TENM2: variants seen among roughly 807,000 people sequenced by gnomAD.
TENM2 encodes the protein teneurin transmembrane protein 2.
TENM2 carries 52 observed loss-of-function variants against 245.2 expected under a neutral mutation model. That is an observed-to-expected ratio of 0.21 (90% CI 0.17 to 0.27). The LOEUF (loss-of-function observed/expected upper bound fraction) is 0.27, where lower values mean the gene tolerates loss of function less well. Among genes scored for constraint, TENM2 ranks in the 10% least tolerant of loss-of-function variants. The probability of loss-of-function intolerance (pLI) is 1.00; values close to 1 mark genes in which losing one functional copy is unlikely to be tolerated. For missense variants in TENM2, 3,046 were observed against 3,666.8 expected, an observed-to-expected ratio of 0.83 and a Z score of 4.37; for synonymous variants, 1,363 against 1,438.9, an observed-to-expected ratio of 0.95 and a Z score of 1.19.
intron 23 of TENM2, among the ~76,000 whole-genome samples, chr5:168,225,198 G>C (rs1764046011): frequency 6.6e-6 from 1 of 152,166 alleles, no homozygotes; most frequent in Non-Finnish European, 1.5e-5. Context: ...CCAAAGAACA[G>C]GTTCCATGCA....
At chr5:167,480,813 C>T (rs1767713787) in intron 2 of TENM2, among the ~76,000 whole-genome samples, 1 of 152,110 alleles carries the variant, frequency 6.6e-6, no homozygotes, top group Non-Finnish European at 1.5e-5. Flanking sequence ...GGAGAAATAA[C>T]ACATAAACAT....
intron 27 of TENM2, among the ~76,000 whole-genome samples, 161 bp downstream of exon 29, chr5:168,248,532 A>G (rs1021258987): frequency 2.0e-4 from 31 of 152,194 alleles, no homozygotes; most frequent in African/African-American, 7.0e-4. Context: ...AGAAAAGTAG[A>G]GAGACGGCAG....
chr5:168,012,787 A>G (rs983113525), intron 5 of TENM2, among the ~76,000 whole-genome samples: 3 of 151,444 alleles, frequency 2.0e-5, no homozygotes, highest in Non-Finnish European at 4.4e-5. Context: ...AAAAAAAAAA[A>G]AAAAAAAAAA....
chr5:167,320,508 G>A (rs1581736338), intron 1 of TENM2, among the ~76,000 whole-genome samples: 1 of 152,254 alleles, frequency 6.6e-6, no homozygotes, highest in East Asian at 1.9e-4. Flanking sequence ...GGAGTGCTAT[G>A]GTTTGAATGT....
intron 2 of TENM2, among the ~76,000 whole-genome samples, chr5:167,741,223 G>A (rs1468218512): frequency 6.6e-6 from 1 of 152,178 alleles, no homozygotes; most frequent in Non-Finnish European, 1.5e-5. Flanking sequence ...TCAAGAGTAA[G>A]CTCCACAGAC....
Position 168,218,711 on chromosome 5 carries a change from G to A in TENM2, c.4820G>A (p.Ser1607Asn), listed in dbSNP as rs1763415014. 2 of 1,613,908 alleles carry A rather than the reference G, an allele frequency of 1.2e-6. No homozygotes were observed. Among genetic ancestry groups the A allele is most frequent in the Non-Finnish European group, 8.5e-7 (1 of 1,179,898 alleles). ...GATGGCATCCACCAATACACTGTGA[G>A]CCTGGTGACAGGGGAGTACTTGTAC... Residue 1607 changes from serine to asparagine, a missense_variant, in exon 23 of 29, where the codon AGC becomes AAC. By Grantham distance (46) the Ser-to-Asn change is conservative. Around this residue, in one of 2 missense-constraint regions of TENM2, gnomAD observed 2,704 missense variants for 3,331.9 expected, o/e 0.81. Transcript: ENST00000518659. The surrounding 1 kb of genome is among the most constrained non-coding windows in gnomAD (Gnocchi z 5.2).
At chr5:167,029,803 T>G in the TENM2 span, among the ~76,000 whole-genome samples, 1 of 152,300 alleles carries the variant, frequency 6.6e-6, no homozygotes, top group East Asian at 1.9e-4. Context: ...TTTATTATTT[T>G]CACAATCATC....
upstream of TENM2, among the ~76,000 whole-genome samples, chr5:167,283,743 G>A (rs916067068): frequency 2.0e-5 from 3 of 152,186 alleles, no homozygotes; most frequent in Non-Finnish European, 2.9e-5. Flanking sequence ...TGGCCCTGTG[G>A]TCTATGCTAT....
At chr5:167,813,344 G>T (rs759930874) in intron 2 of TENM2, among the ~76,000 whole-genome samples, 5 of 151,730 alleles carry the variant, frequency 3.3e-5, no homozygotes, top group Non-Finnish European at 5.9e-5. Flanking sequence ...GTCTGCCCAG[G>T]GTTCTGGAAA....
At chr5:168,158,443 G>A (rs1238786327) in intron 12 of TENM2, among the ~76,000 whole-genome samples, 1 of 152,034 alleles carries the variant, frequency 6.6e-6, no homozygotes, top group Admixed American at 6.6e-5. Context: ...CCTAAAACCA[G>A]GCCAAGCTCT....
In TENM2 at chr5:168,238,263, A is replaced by AGAAAAGAAAAGAAAAGAAAAGAAAG. The variant is rs1765762410; in HGVS notation, c.5521-6133_5521-6132insGGAAAAGAAAAGAAAAGAAAAGAAA. On this transcript the variant is annotated intron_variant, in intron 25 of 28. Transcript: ENST00000518659. ...AGAAAAGAAAAGAAAAGAAAAGAAA[A>AGAAAAGAAAAGAAAAGAAAAGAAAG]GAAAAGAAAAGAAAAGAAAAGAAAA... is the stretch of plus-strand genomic sequence containing the variant. Among the ~76,000 whole-genome samples, 62 of 139,176 alleles carry AGAAAAGAAAAGAAAAGAAAAGAAAG rather than the reference A, an allele frequency of 4.5e-4. 2 individuals carry two copies. Among genetic ancestry groups the AGAAAAGAAAAGAAAAGAAAAGAAAG allele is most frequent in the African/African-American group, 1.5e-3 (47 of 32,026 alleles). 91.3% of individuals were successfully genotyped at this position (139,176 alleles called of 152,430 possible).
At chr5:167,831,988 A>C (rs1377569121) in intron 2 of TENM2, among the ~76,000 whole-genome samples, 1 of 152,188 alleles carries the variant, frequency 6.6e-6, no homozygotes, top group Admixed American at 6.5e-5. Context: ...TGGACGAAAA[A>C]AAAAAAAAAT....
At chr5:167,300,074 G>T (rs550061131) in intron 1 of TENM2, among the ~76,000 whole-genome samples, 2 of 152,270 alleles carry the variant, frequency 1.3e-5, no homozygotes, top group African/African-American at 4.8e-5. Context: ...AAAGGCTATC[G>T]GGTGCGGTCC....
chr5:167,525,578 T>C (rs1771056083), intron 2 of TENM2, among the ~76,000 whole-genome samples: 1 of 152,184 alleles, frequency 6.6e-6, no homozygotes, highest in African/African-American at 2.4e-5. Context: ...GGTTGACTTC[T>C]CTTTATAGAA....
At chr5:168,022,814 A>G (rs1057062063) in intron 5 of TENM2, among the ~76,000 whole-genome samples, 1 of 152,200 alleles carries the variant, frequency 6.6e-6, no homozygotes, top group Non-Finnish European at 1.5e-5. Context: ...CTGATTGTCC[A>G]AATGGTTTTT....
chr5:167,969,959 G>C (rs537955845), intron 4 of TENM2, among the ~76,000 whole-genome samples: 2 of 152,098 alleles, frequency 1.3e-5, no homozygotes, highest in Non-Finnish European at 2.9e-5. Flanking sequence ...ACCAAACATC[G>C]TGCTATTAGG....
intron 1 of TENM2, among the ~76,000 whole-genome samples, chr5:167,373,558 T>C (rs1402027035): frequency 2.6e-5 from 4 of 152,196 alleles, no homozygotes; most frequent in Non-Finnish European, 4.4e-5. Flanking sequence ...CATCAGTAAG[T>C]AGAGTGGACC....
intron 2 of TENM2, among the ~76,000 whole-genome samples, chr5:167,528,866 G>T (rs537578633): frequency 1.3e-5 from 2 of 152,152 alleles, no homozygotes; most frequent in East Asian, 3.9e-4. Flanking sequence ...GCCCCCTGTT[G>T]GTGGTCCTTT....
chr5:168,150,632 C>T (rs539034976), intron 12 of TENM2, among the ~76,000 whole-genome samples: 59 of 152,364 alleles, frequency 3.9e-4, no homozygotes, highest in African/African-American at 1.4e-3. Flanking sequence ...TCTACATCTC[C>T]TGCTCAGTGT....
Sources: allele counts gnomAD v4.1 joint callset (sites outside exome capture counted in the v4.1 genomes callset), GRCh38; gene constraint gnomAD v4.1.1; regional missense constraint gnomAD v4.1.1; non-coding constraint Gnocchi (gnomAD v3.1); transcripts MANE v1.5; gene names NCBI Gene and HGNC (gene_info 2026-07-23, HGNC 2026-07-21).